TMEM132D: variants seen among roughly 807,000 people sequenced by gnomAD.
The protein encoded by TMEM132D is mature OL transmembrane protein.
In TMEM132D, 21 loss-of-function variants were observed where a neutral mutation model predicts 62.3. The observed-to-expected ratio is 0.34, with a 90% CI of 0.24 to 0.49. The LOEUF (loss-of-function observed/expected upper bound fraction) is 0.49. Among genes scored for constraint, TMEM132D ranks in the 20% least tolerant of loss-of-function variants. The pLI, the probability that TMEM132D is intolerant of heterozygous loss-of-function variation, is 0.99. For synonymous variants in TMEM132D, 621 were observed against 575.6 expected, an observed-to-expected ratio of 1.08 and a Z score of -1.13; for missense variants, 1,346 against 1,402.8, an observed-to-expected ratio of 0.96 and a Z score of 0.65.
At chr12:129,335,376 G>T (rs796572976) in intron 4 of TMEM132D, among the ~76,000 whole-genome samples, 38 of 151,956 alleles carry the variant, frequency 2.5e-4, no homozygotes, top group African/African-American at 8.7e-4. Context: ...GGCCTCAAGT[G>T]ATCTGCCCAC....
chr12:129,805,557 A>C (rs545187702), intron 1 of TMEM132D, among the ~76,000 whole-genome samples: 200 of 152,268 alleles, frequency 1.3e-3, no homozygotes, highest in African/African-American at 4.4e-3. Context: ...TGGATTAAAG[A>C]CTTACATGTT....
intron 2 of TMEM132D, among the ~76,000 whole-genome samples, chr12:129,692,548 T>C (rs1565950831): frequency 6.6e-6 from 1 of 152,222 alleles, no homozygotes; most frequent in African/African-American, 2.4e-5. Flanking sequence ...CATATGTTCA[T>C]TGCAGCACTA....
At chr12:129,319,032 G>A (rs755554299) in intron 4 of TMEM132D, among the ~76,000 whole-genome samples, 25 of 152,250 alleles carry the variant, frequency 1.6e-4, no homozygotes, top group Middle Eastern at 3.4e-3. Context: ...CTTGCCCTGG[G>A]CTACCTGCCT....
chr12:129,473,978 G>A (rs1874182278), intron 3 of TMEM132D, among the ~76,000 whole-genome samples: 4 of 152,196 alleles, frequency 2.6e-5, no homozygotes, highest in Admixed American at 2.6e-4. Context: ...GAACCCCTGA[G>A]CTGTGTTGTT....
At chr12:129,311,657 T>C (rs77356572) in intron 4 of TMEM132D, among the ~76,000 whole-genome samples, 32,305 of 151,990 alleles carry the variant, frequency 0.21, 4,315 homozygotes, top group East Asian at 0.41. Flanking sequence ...AAATACAATG[T>C]TGTGAAGAAG....
intron 1 of TMEM132D, among the ~76,000 whole-genome samples, chr12:129,799,352 ATGTG>A (rs201579147): frequency 7.0e-6 from 1 of 143,410 alleles, no homozygotes; most frequent in Non-Finnish European, 1.5e-5. Flanking sequence ...ATGTGTATAT[ATGTG>A]TGTGTGTGTA....
At chr12:129,899,272 G>GATGC (rs1875257033) in intron 1 of TMEM132D, among the ~76,000 whole-genome samples, 1 of 137,820 alleles carries the variant, frequency 7.3e-6, no homozygotes, top group African/African-American at 2.8e-5. Context: ...TGGATGGATG[G>GATGC]ATGGATGCAT....
At chr12:129,558,720 T>A (rs1205548732) in intron 2 of TMEM132D, among the ~76,000 whole-genome samples, 3 of 152,172 alleles carry the variant, frequency 2.0e-5, no homozygotes, top group Non-Finnish European at 2.9e-5. Context: ...ATAACTGATG[T>A]TCTAGTGCTG....
At chr12:129,652,199 C>A (rs778336750) in intron 2 of TMEM132D, among the ~76,000 whole-genome samples, 143 of 152,270 alleles carry the variant, frequency 9.4e-4, no homozygotes, top group Admixed American at 2.2e-3. Context: ...GTTCTTCCAA[C>A]GTAGAAGAAC....
intron 3 of TMEM132D, among the ~76,000 whole-genome samples, chr12:129,376,120 C>G (rs1446998425): frequency 6.6e-6 from 1 of 152,116 alleles, no homozygotes; most frequent in African/African-American, 2.4e-5. Flanking sequence ...AGAAAAAAGA[C>G]AGCTATAACT....
intron 2 of TMEM132D, among the ~76,000 whole-genome samples, chr12:129,668,457 C>T (rs187562417): frequency 6.1e-4 from 93 of 151,566 alleles, no homozygotes; most frequent in African/African-American, 1.9e-3. Flanking sequence ...ATCAGATGTA[C>T]GACCCTGACT....
chr12:129,227,358 G>C lies in TMEM132D; in HGVS notation c.1300-17695C>G, dbSNP rs1421072193. Among the ~76,000 whole-genome samples the C allele has an allele frequency of 2.2e-5, 3 of 136,090 alleles. No homozygotes were observed. In the Admixed American group the frequency reaches 2.3e-4, roughly 10 times the overall value. 89.3% of individuals were successfully genotyped at this position (136,090 alleles called of 152,430 possible). On this transcript the variant is annotated intron_variant, in intron 4 of 8. Coordinates refer to ENST00000422113, the MANE Select transcript of TMEM132D (RefSeq NM_133448.3). ...AGTCGGAGTTTTTCCGAAGACACTT[G>C]ATTATGTTATAAATCCCATGGGTTT... is the stretch of plus-strand genomic sequence containing the variant.
intron 2 of TMEM132D, among the ~76,000 whole-genome samples, chr12:129,536,635 A>G (rs2131257): frequency 0.64 from 97,583 of 152,050 alleles, 31,774 homozygotes; most frequent in African/African-American, 0.75. Flanking sequence ...GCCTGCTTAC[A>G]ATGCCACTGT....
chr12:129,182,816 AC>A (rs1385423334), intron 5 of TMEM132D, among the ~76,000 whole-genome samples: 3 of 152,236 alleles, frequency 2.0e-5, no homozygotes, highest in Non-Finnish European at 2.9e-5. Flanking sequence ...CTGTGGAGAA[AC>A]AAATCACCCT....
At chr12:129,250,559 T>C (rs1001091130) in intron 4 of TMEM132D, among the ~76,000 whole-genome samples, 38 of 152,178 alleles carry the variant, frequency 2.5e-4, no homozygotes, top group African/African-American at 8.4e-4. Context: ...CTGTGCGTGG[T>C]GGATAAACAG....
chr12:129,609,911 C>A (rs559512240), intron 2 of TMEM132D, among the ~76,000 whole-genome samples: 1 of 152,190 alleles, frequency 6.6e-6, no homozygotes, highest in Non-Finnish European at 1.5e-5. Context: ...TAGAAAGGGG[C>A]GTGGTCTACA....
intron 2 of TMEM132D, among the ~76,000 whole-genome samples, chr12:129,634,308 ACGTTAAAAAAAAAAAATTAG>A (rs1441250162): frequency 1.6e-5 from 2 of 126,730 alleles, no homozygotes. Flanking sequence ...GTCTGTCTAT[ACGTTAAAAAAAAAAAATTAG>A]CGGGGTATGG....
intron 3 of TMEM132D, among the ~76,000 whole-genome samples, chr12:129,420,198 T>C (rs943202554): frequency 6.6e-6 from 1 of 151,922 alleles, no homozygotes; most frequent in African/African-American, 2.4e-5. Flanking sequence ...CCACCGATGG[T>C]GTCCCGGCTA....
At chr12:129,331,342 C>A (rs1869098869) in intron 4 of TMEM132D, among the ~76,000 whole-genome samples, 1 of 152,160 alleles carries the variant, frequency 6.6e-6, no homozygotes, top group African/African-American at 2.4e-5. Context: ...GTGAACGCCA[C>A]GTAACACCAT....
Sources: allele counts gnomAD v4.1 joint callset (sites outside exome capture counted in the v4.1 genomes callset), GRCh38; gene constraint gnomAD v4.1.1; transcripts MANE v1.5; gene names NCBI Gene and HGNC (gene_info 2026-07-23, HGNC 2026-07-21).